CLVS1: variants seen among roughly 807,000 people sequenced by gnomAD.
CLVS1 encodes the protein clavesin 1.
CLVS1 carries 10 observed loss-of-function variants against 33.1 expected under a neutral mutation model. The observed-to-expected ratio is 0.30, with a 90% confidence interval of 0.19 to 0.51. The LOEUF (loss-of-function observed/expected upper bound fraction) is 0.51. CLVS1 is among the 20% of genes least tolerant of loss of function. CLVS1 has a pLI of 0.97. For synonymous variants in CLVS1, 163 were observed against 166.1 expected (o/e 0.98, Z 0.14); for missense variants, 343 against 433.4 (o/e 0.79, Z 1.85).
At chr8:61,478,949 C>T (rs913671733) in intron 5 of CLVS1, among the ~76,000 whole-genome samples, 4 of 152,308 alleles carry the variant, frequency 2.6e-5, no homozygotes, top group Non-Finnish European at 2.9e-5. Context: ...CCAAGAGATC[C>T]GCTGTTAGTC....
At chr8:61,321,457 C>A (rs948277351) in intron 2 of CLVS1, among the ~76,000 whole-genome samples, 2 of 150,906 alleles carry the variant, frequency 1.3e-5, no homozygotes, top group Admixed American at 6.6e-5. Flanking sequence ...CCTCTTTTTT[C>A]TTTTCAGATC....
intron 2 of CLVS1, among the ~76,000 whole-genome samples, chr8:61,330,936 A>AC (rs1811569890): frequency 6.6e-6 from 1 of 152,016 alleles, no homozygotes; most frequent in African/African-American, 2.4e-5. Flanking sequence ...AAAAAAAAAA[A>AC]AATTAGCTAG....
At chr8:61,431,595 T>C (rs1816117237) in intron 3 of CLVS1, among the ~76,000 whole-genome samples, 1 of 152,338 alleles carries the variant, frequency 6.6e-6, no homozygotes, top group Non-Finnish European at 1.5e-5. Context: ...TTTTCCAGGG[T>C]AGCGTGTTCT....
chr8:61,483,862 A>C (rs1484039607), intron 5 of CLVS1, among the ~76,000 whole-genome samples: 7 of 152,226 alleles, frequency 4.6e-5, no homozygotes, highest in Non-Finnish European at 5.9e-5. Context: ...TGATTATCTC[A>C]ATAGATGCAG....
chr8:61,328,688 C>G (rs1254964437), intron 2 of CLVS1, among the ~76,000 whole-genome samples: 1 of 152,204 alleles, frequency 6.6e-6, no homozygotes, highest in Non-Finnish European at 1.5e-5. Flanking sequence ...CATTTCTTCT[C>G]TGCCTTAGAT....
intron 5 of CLVS1, among the ~76,000 whole-genome samples, chr8:61,490,288 A>C (rs1300616834): frequency 5.3e-5 from 8 of 150,544 alleles, no homozygotes; most frequent in Non-Finnish European, 8.9e-5. Flanking sequence ...GCGCCACTGC[A>C]CTCCATCCTG....
At chr8:61,499,372 T>A (rs200230898) in intron 5 of CLVS1, 83 bp from the exon 6 acceptor site, 1 of 714,582 alleles carries the variant, frequency 1.4e-6, no homozygotes, top group Non-Finnish European at 2.3e-6. Flanking sequence ...AAGAGAAATA[T>A]AAAATCCGGA....
At chr8:61,190,213 A>G (rs1035538550) in intron 2 of CLVS1, among the ~76,000 whole-genome samples, 3 of 152,234 alleles carry the variant, frequency 2.0e-5, no homozygotes, top group African/African-American at 7.2e-5. Flanking sequence ...CTCAGGATTA[A>G]GAAACTCACT....
At chr8:61,086,729 C>G (rs1423596278) in intron 1 of CLVS1, among the ~76,000 whole-genome samples, 1 of 151,716 alleles carries the variant, frequency 6.6e-6, no homozygotes, top group Non-Finnish European at 1.5e-5. Flanking sequence ...CTCTTTAATT[C>G]TGTGTTATTT....
At chr8:61,450,351 A>AT (rs1046428912) in intron 3 of CLVS1, among the ~76,000 whole-genome samples, 1 of 152,182 alleles carries the variant, frequency 6.6e-6, no homozygotes, top group African/African-American at 2.4e-5. Flanking sequence ...TACAGGCTTC[A>AT]TTTTTTTGAG....
chr8:61,132,181 G>C (rs1291180848), intron 2 of CLVS1, among the ~76,000 whole-genome samples: 1 of 152,266 alleles, frequency 6.6e-6, no homozygotes, highest in African/African-American at 2.4e-5. Context: ...TGCACCAAGG[G>C]CTCTGTGATT....
At chr8:61,338,964 C>CTGTG (rs10608173) in intron 2 of CLVS1, among the ~76,000 whole-genome samples, 4,209 of 148,586 alleles carry the variant, frequency 0.028, 152 homozygotes, top group African/African-American at 0.087. Context: ...AAAGGGAACA[C>CTGTG]TGTGTGTGTG....
At chr8:61,371,004 A>T (rs757596133) in intron 2 of CLVS1, among the ~76,000 whole-genome samples, 2 of 152,162 alleles carry the variant, frequency 1.3e-5, no homozygotes, top group Non-Finnish European at 2.9e-5. Flanking sequence ...TTTTCCTCTG[A>T]GTAGATACTC....
Position 61,086,560 on chromosome 8 carries a change from A to G in CLVS1, c.-243+29330A>G, listed in dbSNP as rs184342020. On this transcript the variant is annotated intron_variant, in intron 1 of 2. Coordinates refer to the CLVS1 transcript ENST00000522621. ...CTACCCTAGACCATACGTAGTAGCAATATTTTCTGAATAGCTAAAGAAGAT... is the reference window on the plus strand; with the variant it reads ...CTACCCTAGACCATACGTAGTAGCAGTATTTTCTGAATAGCTAAAGAAGAT... 2.8e-4 allele frequency among the ~76,000 whole-genome samples: 42 copies of G among 152,220 alleles called. 1 individual carries two copies. Among genetic ancestry groups the G allele is most frequent in the Non-Finnish European group, 4.7e-4 (32 of 68,010 alleles).
intron 1 of CLVS1, among the ~76,000 whole-genome samples, chr8:61,073,744 G>A (rs937900468): frequency 1.3e-5 from 2 of 152,086 alleles, no homozygotes; most frequent in African/African-American, 4.8e-5. Flanking sequence ...CGGGCGCAGT[G>A]GCTCACACCT....
At chr8:61,308,410 C>A (rs541264799) in intron 2 of CLVS1, among the ~76,000 whole-genome samples, 1 of 152,050 alleles carries the variant, frequency 6.6e-6, no homozygotes, top group East Asian at 1.9e-4. Flanking sequence ...ATCCATGGAG[C>A]TTCTGAAAGA....
At chr8:61,050,012 T>C in the CLVS1 span, among the ~76,000 whole-genome samples, 1 of 152,262 alleles carries the variant, frequency 6.6e-6, no homozygotes, top group Non-Finnish European at 1.5e-5. Context: ...ATAAGGCTGC[T>C]ATTGTCTTTA....
chr8:61,398,986 A>G (rs1814644858), intron 3 of CLVS1, among the ~76,000 whole-genome samples: 1 of 152,096 alleles, frequency 6.6e-6, no homozygotes, highest in Non-Finnish European at 1.5e-5. Flanking sequence ...TGTCTTTGCT[A>G]TTGGGAATAG....
At chr8:61,050,176 C>T in the CLVS1 span, among the ~76,000 whole-genome samples, 6 of 151,910 alleles carry the variant, frequency 3.9e-5, no homozygotes, top group African/African-American at 1.5e-4. Context: ...ATTTTTTTTA[C>T]TGTGTTCATC....
Sources: allele counts gnomAD v4.1 joint callset (sites outside exome capture counted in the v4.1 genomes callset), GRCh38; gene constraint gnomAD v4.1.1; transcripts MANE v1.5; gene names NCBI Gene and HGNC (gene_info 2026-07-23, HGNC 2026-07-21).